PCDHA1: variants seen among roughly 807,000 people sequenced by gnomAD.
PCDHA1 encodes protocadherin alpha-1.
Under a neutral mutation model 61.3 loss-of-function variants are expected in PCDHA1, and 42 were observed. The observed-to-expected ratio is 0.69, with a 90% confidence interval of 0.54 to 0.89. PCDHA1 has a LOEUF of 0.89. Ranked by LOEUF, PCDHA1 falls within the 40% of genes least tolerant of loss-of-function variation. The probability of loss-of-function intolerance (pLI) is 0.00; values close to 1 mark genes in which losing one functional copy is unlikely to be tolerated. For missense variants in PCDHA1, 1,256 were observed against 1,235.3 expected (o/e 1.02, Z -0.25); for synonymous variants, 610 against 553.8 (o/e 1.10, Z -1.43).
intron 1 of PCDHA1, chr5:140,927,386 C>T: frequency 6.2e-7 from 1 of 1,614,106 alleles, no homozygotes; most frequent in African/African-American, 1.3e-5. Flanking sequence ...AGCCTAAGCC[C>T]CAGTCAGCAC....
intron 1 of PCDHA1, chr5:140,821,541 T>C (rs1554128117): frequency 4.1e-6 from 2 of 484,252 alleles, no homozygotes; most frequent in African/African-American, 1.9e-5. Flanking sequence ...ACACTTACCC[T>C]TTCATCCACA....
intron 1 of PCDHA1, chr5:140,812,008 T>TG (rs2126633981): frequency 7.9e-5 from 12 of 151,792 alleles, no homozygotes; most frequent in East Asian, 1.9e-4. Flanking sequence ...ACCATTTTTT[T>TG]GTTGGACTTT....
At position 140,840,157 on chromosome 5, in the gene PCDHA1, G is replaced by T. The variant is rs1313215896; in HGVS notation, c.2394+51473G>T. 2.0e-5 allele frequency among the ~76,000 whole-genome samples: 3 copies of T among 151,986 alleles called. No homozygotes were observed. The East Asian group carries it at 5.8e-4, about 29-fold the overall frequency. ...AGAAATTATCACACGTGAAAGGAGA[G>T]ATGGGATGTATACAAATTTTAAATA... On this transcript the variant is annotated intron_variant, in intron 1 of 3. Transcript: ENST00000504120.
At chr5:140,927,195 C>T in intron 1 of PCDHA1, 1 of 1,614,118 alleles carries the variant, frequency 6.2e-7, no homozygotes, top group Non-Finnish European at 8.5e-7. Flanking sequence ...ACCTGGTGCT[C>T]GAGGACCCGC....
chr5:140,876,206 C>T, intron 1 of PCDHA1: 1 of 1,613,864 alleles, frequency 6.2e-7, no homozygotes, highest in South Asian at 1.1e-5. Context: ...TTTGATAAGC[C>T]CAGCTATAAA....
At chr5:140,811,658 T>C (rs2126630798) in intron 1 of PCDHA1, 88,405 of 151,980 alleles carry the variant, frequency 0.58, 26,434 homozygotes, top group African/African-American at 0.72. Flanking sequence ...CTCTCCAGCA[T>C]GTGTTGTTTC....
Position 140,841,359 on chromosome 5 carries a change from G to T in PCDHA1, c.2394+52675G>T, listed in dbSNP as rs2150314214. 1.2e-5 allele frequency: 20 copies of T among 1,613,174 alleles called. No homozygotes were observed. Among genetic ancestry groups the T allele is most frequent in the Non-Finnish European group, 1.6e-5 (19 of 1,179,474 alleles). On this transcript the variant is annotated intron_variant, in intron 1 of 3. Transcript: ENST00000504120. Reference sequence around the variant, plus strand: ...TGGCGAGGAGAGCTGGGATCCTGGCGACTACTACTCTTGCTTCTGCTCCTC... The same window carrying T: ...TGGCGAGGAGAGCTGGGATCCTGGCTACTACTACTCTTGCTTCTGCTCCTC...
At chr5:140,813,628 C>T (rs1765347118) in intron 1 of PCDHA1, 1 of 151,940 alleles carries the variant, frequency 6.6e-6, no homozygotes, top group Admixed American at 6.6e-5. Context: ...ATGTGAAGGC[C>T]CAGGACATTA....
At chr5:140,860,741 A>ATT (rs1466220052) in intron 1 of PCDHA1, 6 of 152,018 alleles carry the variant, frequency 3.9e-5, no homozygotes, top group African/African-American at 1.4e-4. Context: ...TTTGTTTTTT[A>ATT]TTTTTTATTT....
At chr5:140,827,376 A>G (rs1769268337) in intron 1 of PCDHA1, among the ~76,000 whole-genome samples, 2 of 152,246 alleles carry the variant, frequency 1.3e-5, no homozygotes, top group African/African-American at 4.8e-5. Context: ...GAATCCTAAT[A>G]TAAGCTGCAG....
At chr5:140,899,200 T>G (rs1554188457) in intron 1 of PCDHA1, among the ~76,000 whole-genome samples, 2 of 151,512 alleles carry the variant, frequency 1.3e-5, no homozygotes, top group Admixed American at 1.3e-4. Context: ...CCTGCCTAAT[T>G]GCCCTGGCCA....
In PCDHA1 at chr5:140,787,853, G is replaced by T; in HGVS notation, c.1563G>T (p.Gln521His). 6.2e-7 allele frequency: 1 copy of T among 1,612,836 alleles called. No individual in the cohort carries two copies. The highest frequency in any genetic ancestry group is 1.1e-5 in the South Asian group (1 of 91,032). ...AGAGCGGCAAGGTGTACGCACTGCAGCCCCTGGACCACGAGGAGCTGGAGC... is the reference window on the plus strand; with the variant it reads ...AGAGCGGCAAGGTGTACGCACTGCATCCCCTGGACCACGAGGAGCTGGAGC... The part of the protein sequence containing the change: ...HAESGKVYAL[Q>H]PLDHEELELL... The change falls in exon 1 of 4, where the codon CAG becomes CAT. Residue 521 changes from glutamine to histidine, a missense_variant. By Grantham distance (24) the Gln-to-His change is conservative (BLOSUM62 0). Coordinates refer to ENST00000504120, the MANE Select transcript of PCDHA1 (RefSeq NM_018900.4).
At chr5:141,001,726 T>G (rs2098034769) in intron 3 of PCDHA1, among the ~76,000 whole-genome samples, 1 of 152,116 alleles carries the variant, frequency 6.6e-6, no homozygotes, top group Admixed American at 6.6e-5. Flanking sequence ...GCTTGAGATA[T>G]TTTACAACCT....
intron 1 of PCDHA1, among the ~76,000 whole-genome samples, chr5:140,845,729 T>C (rs952746067): frequency 6.7e-6 from 1 of 149,682 alleles, no homozygotes; most frequent in Non-Finnish European, 1.5e-5. Flanking sequence ...TAAATGTGAA[T>C]TCTACTTTAT....
chr5:140,993,408 A>G (rs985721464), intron 3 of PCDHA1, among the ~76,000 whole-genome samples: 1 of 150,930 alleles, frequency 6.6e-6, no homozygotes, highest in African/African-American at 2.4e-5. Flanking sequence ...AACCACCTTC[A>G]TCAGCATTTC....
chr5:140,853,467 G>T lies in PCDHA1; in HGVS notation c.2394+64783G>T, dbSNP rs2150532339. 46 of 971,640 alleles carry T rather than the reference G, an allele frequency of 4.7e-5. No homozygotes were observed. The African/African-American group carries it at 8.1e-4, about 17-fold the overall frequency. 60.2% of individuals were successfully genotyped at this position (971,640 alleles called of 1,614,324 possible). ...CTAATAGGTCTCCTTATATGCATCT[G>T]TAGTTAACATTCCTCAATTCAAGTT... On this transcript the variant is annotated intron_variant, in intron 1 of 3. Transcript: ENST00000504120.
At chr5:140,850,631 T>A (rs2150491599) in intron 1 of PCDHA1, 1 of 1,598,518 alleles carries the variant, frequency 6.3e-7, no homozygotes, top group South Asian at 1.1e-5. Flanking sequence ...GCCTGTTGGT[T>A]CTCACGCTGC....
At chr5:140,861,509 G>T in intron 1 of PCDHA1, 1 of 479,910 alleles carries the variant, frequency 2.1e-6, no homozygotes, top group Non-Finnish European at 4.3e-6. Context: ...ACCTCGAGGA[G>T]CTGTGTGGGA....
chr5:140,806,437 C>T (rs1554123600), intron 1 of PCDHA1, among the ~76,000 whole-genome samples: 1 of 152,164 alleles, frequency 6.6e-6, no homozygotes. Context: ...AATGCTTTTC[C>T]ATGCAAGCTA....
Sources: gnomAD v4.1 joint callset for allele counts (sites outside exome capture counted in the v4.1 genomes callset) on GRCh38, gnomAD v4.1.1 for gene constraint, MANE v1.5 for transcripts, NCBI Gene and HGNC (gene_info 2026-07-23, HGNC 2026-07-21) for gene names.